The following CNTNAP5 variants were observed in gnomAD, a reference collection of about 807,000 sequenced individuals.
CNTNAP5 encodes contactin-associated protein-like 5.
In CNTNAP5, 72 loss-of-function variants were observed where a neutral mutation model predicts 150.2. That is an observed-to-expected ratio of 0.48 (90% CI 0.40 to 0.58). CNTNAP5 has a LOEUF of 0.58. Ranked by LOEUF, CNTNAP5 falls within the 20% of genes least tolerant of loss-of-function variation. The pLI, the probability that CNTNAP5 is intolerant of heterozygous loss-of-function variation, is 0.00. For missense variants in CNTNAP5, 1,636 were observed against 1,626.2 expected, an observed-to-expected ratio of 1.01 and a Z score of -0.10; for synonymous variants, 672 against 619.8, an observed-to-expected ratio of 1.08 and a Z score of -1.25.
At chr2:124,604,201 T>C (rs544023356) in intron 11 of CNTNAP5, among the ~76,000 whole-genome samples, 1 of 152,338 alleles carries the variant, frequency 6.6e-6, no homozygotes, top group African/African-American at 2.4e-5. Context: ...CTAAGATATA[T>C]TGCAGAATTT....
At position 124,100,617 on chromosome 2, in the gene CNTNAP5, G is replaced by A. The variant is rs142831826; in HGVS notation, c.82+74885G>A. ...ACAGTGGCTCACGCTCATAATTCCC[G>A]AACTTTGGGAGGTTGAGGCAGGTGG... On this transcript the variant is annotated intron_variant, in intron 1 of 23. Coordinates refer to ENST00000682447, the MANE Select transcript of CNTNAP5 (RefSeq NM_001367498.1). 5.5e-4 allele frequency among the ~76,000 whole-genome samples: 83 copies of A among 152,014 alleles called. 1 individual carries two copies. In the East Asian group the frequency reaches 7.6e-3, roughly 14 times the overall value.
chr2:124,707,018 G>GAGAAGAAGAAGAAGAAGAAGAAGA lies in CNTNAP5; in HGVS notation c.2078-40188_2078-40187insAAGAAGAAGAAGAAGAAGAAGAAG, dbSNP rs200269843. On this transcript the variant is annotated intron_variant, in intron 13 of 23. Coordinates refer to ENST00000682447, the MANE Select transcript of CNTNAP5 (RefSeq NM_001367498.1). Reference sequence around the variant, plus strand: ...GAAGAGGAAGAAGAAGGAGGAGGAGGAGAAGAAGAAGAAGAAGAAGAAGGA... The same window carrying GAGAAGAAGAAGAAGAAGAAGAAGA: ...GAAGAGGAAGAAGAAGGAGGAGGAGGAGAAGAAGAAGAAGAAGAAGAAGAAGAAGAAGAAGAAGAAGAAGAAGGA... 8.2e-4 allele frequency among the ~76,000 whole-genome samples: 61 copies of GAGAAGAAGAAGAAGAAGAAGAAGA among 74,288 alleles called. 1 individual carries two copies. The highest frequency in any genetic ancestry group is 3.0e-3 in the African/African-American group (54 of 17,720). 48.7% of individuals were successfully genotyped at this position (74,288 alleles called of 152,430 possible).
intron 1 of CNTNAP5, among the ~76,000 whole-genome samples, chr2:124,129,627 A>C (rs1683797861): frequency 1.3e-5 from 2 of 152,336 alleles, no homozygotes; most frequent in South Asian, 4.1e-4. Flanking sequence ...TCTCTGTTAA[A>C]GATGGTATTA....
At chr2:124,418,860 C>T (rs1243231200) in intron 4 of CNTNAP5, among the ~76,000 whole-genome samples, 1 of 152,056 alleles carries the variant, frequency 6.6e-6, no homozygotes, top group African/African-American at 2.4e-5. Flanking sequence ...ATGGGCCGGG[C>T]GCGGTGGCTC....
chr2:124,113,113 T>C (rs1157189570), intron 1 of CNTNAP5, among the ~76,000 whole-genome samples: 3 of 152,150 alleles, frequency 2.0e-5, no homozygotes, highest in East Asian at 1.9e-4. Flanking sequence ...TAAATGTGTA[T>C]ACCCACATCC....
intron 19 of CNTNAP5, among the ~76,000 whole-genome samples, chr2:124,803,117 A>T (rs1682007011): frequency 6.6e-6 from 1 of 151,950 alleles, no homozygotes. Context: ...TCCTTCAAAA[A>T]AAAAAAAAAA....
At chr2:124,228,207 G>A (rs879234097) in intron 2 of CNTNAP5, among the ~76,000 whole-genome samples, 1 of 152,072 alleles carries the variant, frequency 6.6e-6, no homozygotes, top group South Asian at 2.1e-4. Context: ...CTGATGTCCA[G>A]GAAGAAAAGA....
chr2:124,265,540 G>A (rs1174847762), intron 3 of CNTNAP5, among the ~76,000 whole-genome samples: 2 of 152,166 alleles, frequency 1.3e-5, no homozygotes, highest in African/African-American at 4.8e-5. Flanking sequence ...CTTTGTGCCT[G>A]TGCTTCCAGG....
intron 1 of CNTNAP5, among the ~76,000 whole-genome samples, chr2:124,040,621 C>G (rs980360298): frequency 2.8e-5 from 4 of 145,148 alleles, no homozygotes; most frequent in East Asian, 2.1e-4. Context: ...CTGTATGCCT[C>G]TGTGTGTGTG....
intron 21 of CNTNAP5, among the ~76,000 whole-genome samples, chr2:124,891,148 G>A (rs1191682607): frequency 6.6e-6 from 1 of 152,064 alleles, no homozygotes; most frequent in Non-Finnish European, 1.5e-5. Context: ...TTGTGACATT[G>A]ACTAAGTCTC....
chr2:124,306,463 A>G (rs947010933), intron 3 of CNTNAP5, among the ~76,000 whole-genome samples: 3 of 152,144 alleles, frequency 2.0e-5, no homozygotes, highest in African/African-American at 7.2e-5. Context: ...CAGAGAGTTA[A>G]TGACTCTGGC....
chr2:124,155,269 G>A (rs1684499247), intron 1 of CNTNAP5, among the ~76,000 whole-genome samples: 1 of 151,826 alleles, frequency 6.6e-6, no homozygotes, highest in Non-Finnish European at 1.5e-5. Flanking sequence ...GCCCTAACTT[G>A]ACCTTCATTT....
chr2:124,258,646 C>A (rs537339386), intron 3 of CNTNAP5, among the ~76,000 whole-genome samples: 2 of 152,212 alleles, frequency 1.3e-5, no homozygotes, highest in African/African-American at 2.4e-5. Flanking sequence ...AGTGCATATG[C>A]AATCCTCTAG....
At chr2:124,797,164 C>T (rs182165939) in intron 18 of CNTNAP5, among the ~76,000 whole-genome samples, 112 of 152,258 alleles carry the variant, frequency 7.4e-4, no homozygotes, top group African/African-American at 2.6e-3. Flanking sequence ...AGAAAACATT[C>T]TCCACAAAGT....
At chr2:124,145,809 C>CA (rs1447457414) in intron 1 of CNTNAP5, among the ~76,000 whole-genome samples, 1 of 9,604 alleles carries the variant, frequency 1.0e-4, no homozygotes, top group African/African-American at 4.8e-4. Context: ...AAAAAAAAAA[C>CA]ATTAAAAAAA....
Position 124,763,984 on chromosome 2 carries a change from C to G in CNTNAP5, c.2370C>G (p.Phe790Leu). The G allele has an allele frequency of 1.2e-6, 2 of 1,611,144 alleles. No individual in the cohort carries two copies. The highest frequency in any genetic ancestry group is 1.7e-6 in the Non-Finnish European group (2 of 1,178,520). Residue 790 changes from phenylalanine (F) to leucine (L), a missense_variant, in exon 16 of 24, where the codon TTC (phenylalanine) becomes TTG (leucine). By Grantham distance (22) the Phe-to-Leu change is conservative. Coordinates refer to ENST00000682447, the MANE Select transcript of CNTNAP5 (RefSeq NM_001367498.1). ...GPLRCYGDRR[F>L]WNAVSFYTEA... ...GGATTTTCTCATTTGCAGGACGCTT[C>G]TGGAACGCCGTCTCATTTTATACAG...
chr2:124,701,797 G>A (rs1558740955), intron 13 of CNTNAP5, among the ~76,000 whole-genome samples: 1 of 152,060 alleles, frequency 6.6e-6, no homozygotes, highest in East Asian at 1.9e-4. Flanking sequence ...ATGCCTGCTG[G>A]CCTTTTTATG....
intron 6 of CNTNAP5, among the ~76,000 whole-genome samples, chr2:124,460,248 T>C (rs991171729): frequency 1.3e-5 from 2 of 152,050 alleles, no homozygotes; most frequent in Non-Finnish European, 2.9e-5. Context: ...TCTCAGAGAG[T>C]AGGACAAAAA....
At chr2:124,476,760 A>G (rs1693649842) in intron 7 of CNTNAP5, among the ~76,000 whole-genome samples, 1 of 152,098 alleles carries the variant, frequency 6.6e-6, no homozygotes, top group Non-Finnish European at 1.5e-5. Context: ...CTCAGTGGAA[A>G]TGGGGCCATA....
Sources: allele counts gnomAD v4.1 joint callset (sites outside exome capture counted in the v4.1 genomes callset), GRCh38; gene constraint gnomAD v4.1.1; transcripts MANE v1.5; gene names NCBI Gene and HGNC (gene_info 2026-07-23, HGNC 2026-07-21).